The following AGBL1 variants were observed in gnomAD, a reference collection of about 807,000 sequenced individuals.
The protein encoded by AGBL1 is AGBL carboxypeptidase 1.
A neutral mutation model predicts 118.9 loss-of-function variants in AGBL1; 130 were observed. That is an observed-to-expected ratio of 1.09 (90% CI 0.95 to 1.26). The LOEUF is 1.26. Among genes scored for constraint, AGBL1 ranks in the 50% most tolerant of loss-of-function variants. AGBL1 has a pLI of 0.00. For synonymous variants in AGBL1, 555 were observed against 478.9 expected, an observed-to-expected ratio of 1.16 and a Z score of -2.08; for missense variants, 1,584 against 1,298.1, an observed-to-expected ratio of 1.22 and a Z score of -3.38.
At chr15:86,545,919 A>G in intron 19 of AGBL1, 83 bp from the exon 20 acceptor site, 1 of 1,491,224 alleles carries the variant, frequency 6.7e-7, no homozygotes, top group Non-Finnish European at 9.1e-7. Flanking sequence ...GAGCCATGGA[A>G]CATGAGTAGA....
chr15:86,108,773 A>G (rs1897196505), intron 1 of AGBL1, among the ~76,000 whole-genome samples: 2 of 152,304 alleles, frequency 1.3e-5, no homozygotes, highest in Admixed American at 1.3e-4. Context: ...CCTGGCCAAC[A>G]TGGTGAAAGC....
intron 22 of AGBL1, among the ~76,000 whole-genome samples, chr15:86,859,958 C>A (rs901677341): frequency 1.3e-5 from 2 of 152,158 alleles, no homozygotes; most frequent in Non-Finnish European, 2.9e-5. Context: ...GATTGTTAGC[C>A]AGAGGATTAA....
chr15:86,663,572 A>G (rs2469187), intron 21 of AGBL1, among the ~76,000 whole-genome samples: 74,435 of 151,852 alleles, frequency 0.49, 18,460 homozygotes, highest in Middle Eastern at 0.62. Flanking sequence ...AAGGGGAGGG[A>G]GGCAGGCTGT....
intron 22 of AGBL1, among the ~76,000 whole-genome samples, chr15:86,782,222 C>A (rs1308364936): frequency 5.3e-5 from 8 of 152,172 alleles, no homozygotes; most frequent in Non-Finnish European, 1.2e-4. Context: ...ATTTCAAAAT[C>A]TTTATTATTT....
chr15:86,344,031 C>T (rs2080500065), intron 17 of AGBL1, among the ~76,000 whole-genome samples: 1 of 152,202 alleles, frequency 6.6e-6, no homozygotes, highest in Admixed American at 6.5e-5. Context: ...CGGTAAATTT[C>T]CCTCACTCTC....
chr15:86,438,228 T>C (rs1596115161), intron 18 of AGBL1, among the ~76,000 whole-genome samples: 2 of 152,112 alleles, frequency 1.3e-5, no homozygotes, highest in African/African-American at 2.4e-5. Flanking sequence ...TTTTATAAAG[T>C]GGTGAATGTT....
intron 5 of AGBL1, among the ~76,000 whole-genome samples, chr15:86,201,087 A>T (rs1000858785): frequency 2.0e-5 from 3 of 152,180 alleles, no homozygotes; most frequent in Admixed American, 6.5e-5. Context: ...ATGCATAAAT[A>T]TGTATAATTA....
chr15:86,235,169 G>A (rs1025966874), intron 6 of AGBL1, among the ~76,000 whole-genome samples: 3 of 152,088 alleles, frequency 2.0e-5, no homozygotes, highest in East Asian at 1.9e-4. Context: ...TGTGAGCCTC[G>A]GATCTGGGGA....
At chr15:86,359,999 T>C (rs1567216980) in intron 17 of AGBL1, among the ~76,000 whole-genome samples, 2 of 152,024 alleles carry the variant, frequency 1.3e-5, no homozygotes, top group Non-Finnish European at 2.9e-5. Context: ...ATTTTACTTT[T>C]TCCTTTCTGA....
intron 16 of AGBL1, among the ~76,000 whole-genome samples, chr15:86,294,402 C>CA (rs35878636): frequency 0.033 from 2,047 of 62,794 alleles, 42 homozygotes; most frequent in African/African-American, 0.042. Flanking sequence ...GACTTTGTCT[C>CA]AAAAAAAAAA....
chr15:86,264,176 C>A, intron 10 of AGBL1, 82 bp from the exon 11 acceptor site: 2 of 1,185,866 alleles, frequency 1.7e-6, no homozygotes, highest in South Asian at 1.6e-5. Context: ...GCTCTGTGCC[C>A]AGAGAGTAAG....
rs898860533 is a variant in AGBL1, at chr15:86,079,983, A to G, written c.11A>G (p.Gln4Arg). 2 of 1,232,060 alleles carry G rather than the reference A, an allele frequency of 1.6e-6. No homozygotes were observed. The highest frequency in any genetic ancestry group is 2.0e-6 in the Non-Finnish European group (2 of 987,986). The allele number at this position is 1,232,060 out of a possible 1,614,324, so 76.3% of individuals were successfully genotyped here. MAE[Q>R]EASGLQVLLH... ...GGACCCGAGAAAAGGATGGCCGAAC[A>G]AGAAGCTAGTGGGCTACAGGTCCTG... The change falls in exon 1 of 23, where the codon CAA becomes CGA. Residue 4 changes from glutamine (Q) to arginine (R), a missense_variant. Coordinates refer to ENST00000614907, the MANE Select transcript of AGBL1 (RefSeq NM_001386094.1).
rs116979806 is a variant in AGBL1, at chr15:86,292,455, C to T, written c.2221-2800C>T. ...ACACCTTGAATTTTGCCCAGTGGGACCCATTTTAGACTACTGACCTTCAGA... is the reference window on the plus strand; with the variant it reads ...ACACCTTGAATTTTGCCCAGTGGGATCCATTTTAGACTACTGACCTTCAGA... On this transcript the variant is annotated intron_variant, in intron 16 of 22. Coordinates refer to ENST00000614907, the MANE Select transcript of AGBL1 (RefSeq NM_001386094.1). Among the ~76,000 whole-genome samples, 902 of 152,136 alleles carry T rather than the reference C, an allele frequency of 5.9e-3. 5 individuals carry two copies. The highest frequency in any genetic ancestry group is 9.2e-3 in the Non-Finnish European group (624 of 67,966).
intron 2 of AGBL1, 26 bp downstream of exon 2, chr15:86,142,093 T>C: frequency 1.4e-5 from 21 of 1,548,768 alleles, no homozygotes; most frequent in Non-Finnish European, 1.7e-5. Context: ...TCTCATGCTT[T>C]CATATGGCGG....
intron 5 of AGBL1, among the ~76,000 whole-genome samples, chr15:86,167,597 C>T (rs2077359678): frequency 6.6e-6 from 1 of 152,192 alleles, no homozygotes; most frequent in Non-Finnish European, 1.5e-5. Flanking sequence ...ATGGATTCCA[C>T]ACTCAGGCAC....
chr15:87,030,923 A>G (rs937658296), downstream of AGBL1, among the ~76,000 whole-genome samples: 13 of 151,956 alleles, frequency 8.6e-5, no homozygotes, highest in African/African-American at 3.1e-4. Flanking sequence ...TGAGCTGAGG[A>G]AGGACAGAGG....
At chr15:86,943,868 T>G (rs1213989653) in intron 23 of AGBL1, among the ~76,000 whole-genome samples, 1 of 152,204 alleles carries the variant, frequency 6.6e-6, no homozygotes, top group Non-Finnish European at 1.5e-5. Flanking sequence ...AATCATTTCC[T>G]TCTAGCTCCT....
intron 17 of AGBL1, among the ~76,000 whole-genome samples, chr15:86,356,799 T>G (rs900242812): frequency 6.6e-6 from 1 of 152,194 alleles, no homozygotes; most frequent in Non-Finnish European, 1.5e-5. Context: ...TCTGTAGCTC[T>G]TCTGTGGAGG....
At chr15:86,484,101 G>A in intron 18 of AGBL1, among the ~76,000 whole-genome samples, 1 of 152,094 alleles carries the variant, frequency 6.6e-6, no homozygotes. Context: ...TCATCTGCCA[G>A]CCAATCACAG....
Sources: gnomAD v4.1 joint callset for allele counts (sites outside exome capture counted in the v4.1 genomes callset) on GRCh38, gnomAD v4.1.1 for gene constraint, MANE v1.5 for transcripts, NCBI Gene and HGNC (gene_info 2026-07-23, HGNC 2026-07-21) for gene names.